SMAD1: variants seen among roughly 807,000 people sequenced by gnomAD.
The protein encoded by SMAD1 is MAD, mothers against decapentaplegic homolog 1.
A neutral mutation model predicts 41.6 loss-of-function variants in SMAD1; 6 were observed. The observed-to-expected ratio is 0.14, with a 90% CI of 0.08 to 0.28. SMAD1 has a LOEUF of 0.28. Ranked by LOEUF, SMAD1 falls within the 10% of genes least tolerant of loss-of-function variation. The pLI, the probability that SMAD1 is intolerant of heterozygous loss-of-function variation, is 1.00. For synonymous variants in SMAD1, 206 were observed against 203.2 expected (o/e 1.01, Z -0.12); for missense variants, 379 against 582.6 (o/e 0.65, Z 3.60).
chr4:145,530,164 T>G (rs1731244935), intron 2 of SMAD1, among the ~76,000 whole-genome samples: 1 of 152,176 alleles, frequency 6.6e-6, no homozygotes, highest in Non-Finnish European at 1.5e-5. Context: ...AAAGTCAACT[T>G]AGCAATAAAA....
chr4:145,544,829 C>G (rs960743289), intron 4 of SMAD1: 1 of 151,970 alleles, frequency 6.6e-6, no homozygotes, highest in Non-Finnish European at 1.5e-5. Context: ...TATTTGGGGA[C>G]CAGGATACCA....
At chr4:145,510,133 C>T (rs1217006885) in intron 1 of SMAD1, among the ~76,000 whole-genome samples, 2 of 152,146 alleles carry the variant, frequency 1.3e-5, no homozygotes, top group Non-Finnish European at 2.9e-5. Context: ...CTGAGGCTAA[C>T]GATTTCCCCA....
At chr4:145,486,230 T>C (rs1171805927) in intron 1 of SMAD1, among the ~76,000 whole-genome samples, 1 of 152,242 alleles carries the variant, frequency 6.6e-6, no homozygotes, top group African/African-American at 2.4e-5. Context: ...AGCACATAAT[T>C]TGAAGAATAA....
chr4:145,526,678 A>G (rs1240421204), intron 2 of SMAD1, among the ~76,000 whole-genome samples: 2 of 151,948 alleles, frequency 1.3e-5, no homozygotes, highest in African/African-American at 2.4e-5. Flanking sequence ...CTGAAGATGA[A>G]TGGGGGAGAA....
chr4:145,548,682 T>TA (rs1428140684), intron 5 of SMAD1, among the ~76,000 whole-genome samples: 1 of 152,190 alleles, frequency 6.6e-6, no homozygotes, highest in Non-Finnish European at 1.5e-5. Flanking sequence ...ACCATCATAG[T>TA]AAGGATCAGG....
intron 1 of SMAD1, among the ~76,000 whole-genome samples, chr4:145,490,932 A>G (rs898993248): frequency 1.3e-5 from 2 of 152,300 alleles, no homozygotes; most frequent in Admixed American, 6.5e-5. Flanking sequence ...TTTTCATTAA[A>G]CCAATATGTG....
At chr4:145,515,134 C>CTGTGTGTGTGTGTG (rs377610507) in intron 2 of SMAD1, 121 bp downstream of exon 2, 131 of 535,690 alleles carry the variant, frequency 2.4e-4, no homozygotes, top group African/African-American at 2.6e-4. Context: ...TTTGGGGAAA[C>CTGTGTGTGTGTGTG]TGTGTGTGTG....
At chr4:145,511,138 C>T (rs889979159) in intron 1 of SMAD1, among the ~76,000 whole-genome samples, 9 of 152,052 alleles carry the variant, frequency 5.9e-5, no homozygotes, top group African/African-American at 9.7e-5. Context: ...TAATGTTCCC[C>T]ACAACTCTCT....
At chr4:145,506,167 T>C (rs1729765776) in intron 1 of SMAD1, among the ~76,000 whole-genome samples, 1 of 152,028 alleles carries the variant, frequency 6.6e-6, no homozygotes. Flanking sequence ...TATAAAGTTG[T>C]CTTTAAAAAA....
intron 1 of SMAD1, among the ~76,000 whole-genome samples, chr4:145,491,947 G>A (rs189867133): frequency 1.3e-5 from 2 of 152,244 alleles, no homozygotes; most frequent in Admixed American, 1.3e-4. Flanking sequence ...TATTGAGATG[G>A]ACGAGTTTAT....
At chr4:145,498,395 A>G (rs747379848) in intron 1 of SMAD1, among the ~76,000 whole-genome samples, 8 of 152,140 alleles carry the variant, frequency 5.3e-5, no homozygotes, top group African/African-American at 9.7e-5. Context: ...TACACTTTCA[A>G]TTATTTTTTT....
rs922856746 is a variant in SMAD1 at position 145,517,328 on chromosome 4, C to T, written c.400+2315C>T. Among the ~76,000 whole-genome samples, 3 of 152,196 alleles carry T rather than the reference C, an allele frequency of 2.0e-5. 1 individual carries two copies. The highest frequency in any genetic ancestry group is 7.2e-5 in the African/African-American group (3 of 41,444). ...TCTTATTTATCGTTTGTGTCTAGCA[C>T]ATGGTCATTACTTAATAAACTAAGT... is the stretch of plus-strand genomic sequence containing the variant. On this transcript the variant is annotated intron_variant, in intron 2 of 6. Coordinates refer to ENST00000302085, the MANE Select transcript of SMAD1 (RefSeq NM_005900.3).
At chr4:145,524,776 G>C (rs548811493) in intron 2 of SMAD1, among the ~76,000 whole-genome samples, 4 of 82,762 alleles carry the variant, frequency 4.8e-5, no homozygotes, top group Non-Finnish European at 9.2e-5. Flanking sequence ...GCCAGCAGCT[G>C]TTAAAAAGAA....
At chr4:145,527,743 A>G (rs779124148) in intron 2 of SMAD1, among the ~76,000 whole-genome samples, 2 of 151,978 alleles carry the variant, frequency 1.3e-5, no homozygotes, top group Admixed American at 6.6e-5. Flanking sequence ...GGGCATCCAG[A>G]GTTTTTGGTA....
chr4:145,540,989 A>T (rs1490590422), intron 3 of SMAD1, among the ~76,000 whole-genome samples: 1 of 152,092 alleles, frequency 6.6e-6, no homozygotes, highest in African/African-American at 2.4e-5. Context: ...CTTTTATTTA[A>T]ATCTTGTTTA....
chr4:145,539,538 T>C (rs766101759), intron 2 of SMAD1, among the ~76,000 whole-genome samples: 4 of 152,220 alleles, frequency 2.6e-5, no homozygotes, highest in Non-Finnish European at 5.9e-5. Context: ...TAAAAGATTG[T>C]ATTTTGCCAA....
At chr4:145,504,234 T>G (rs1344515009) in intron 1 of SMAD1, among the ~76,000 whole-genome samples, 1 of 152,226 alleles carries the variant, frequency 6.6e-6, no homozygotes, top group Non-Finnish European at 1.5e-5. Flanking sequence ...AAAACCTGGT[T>G]AGCTCCTAAC....
At chr4:145,505,760 A>G (rs776212259) in intron 1 of SMAD1, among the ~76,000 whole-genome samples, 1 of 152,122 alleles carries the variant, frequency 6.6e-6, no homozygotes, top group Non-Finnish European at 1.5e-5. Flanking sequence ...TTAAGAATAT[A>G]TCTGGCGATG....
At chr4:145,535,151 A>G (rs1368155023) in intron 2 of SMAD1, among the ~76,000 whole-genome samples, 2 of 152,176 alleles carry the variant, frequency 1.3e-5, no homozygotes, top group Admixed American at 1.3e-4. Flanking sequence ...AATTGCACCA[A>G]AATGTCATTT....
Sources: allele counts gnomAD v4.1 joint callset (sites outside exome capture counted in the v4.1 genomes callset), GRCh38; gene constraint gnomAD v4.1.1; transcripts MANE v1.5; gene names NCBI Gene and HGNC (gene_info 2026-07-23, HGNC 2026-07-21).